The following STRBP variants were observed in gnomAD, a reference collection of about 807,000 sequenced individuals.
The protein encoded by STRBP is spermatid perinuclear RNA binding protein, also known as spermatid perinuclear RNA-binding protein.
In STRBP, 13 loss-of-function variants were observed where a neutral mutation model predicts 80.1. The ratio of observed to expected loss-of-function variants is 0.16; its 90% confidence interval spans 0.11 to 0.26. STRBP has a LOEUF of 0.26. Ranked by LOEUF, STRBP falls within the 10% of genes least tolerant of loss-of-function variation. The pLI, the probability that STRBP is intolerant of heterozygous loss-of-function variation, is 1.00. For missense variants in STRBP, 485 were observed against 815.2 expected (o/e 0.59, Z 4.93); for synonymous variants, 284 against 291.2 (o/e 0.98, Z 0.25).
chr9:123,238,874 C>A (rs1357753679), intron 1 of STRBP, among the ~76,000 whole-genome samples: 1 of 152,082 alleles, frequency 6.6e-6, no homozygotes, highest in African/African-American at 2.4e-5. Flanking sequence ...CACCCCCCCA[C>A]AATAAATTCC....
At chr9:123,167,627 C>A (rs991211430) in intron 6 of STRBP, among the ~76,000 whole-genome samples, 15 of 150,990 alleles carry the variant, frequency 9.9e-5, no homozygotes, top group Admixed American at 6.6e-4. Context: ...AGGACAACAG[C>A]AAAGCAAATC....
intron 1 of STRBP, among the ~76,000 whole-genome samples, chr9:123,247,056 T>A (rs554589737): frequency 6.6e-6 from 1 of 151,808 alleles, no homozygotes; most frequent in Admixed American, 6.6e-5. Flanking sequence ...AACAATAATT[T>A]AAAAAAAAGT....
chr9:123,183,328 C>T (rs1359262461), intron 3 of STRBP, among the ~76,000 whole-genome samples: 2 of 151,782 alleles, frequency 1.3e-5, no homozygotes, highest in East Asian at 1.9e-4. Flanking sequence ...CCCAGCTACT[C>T]GGGAGGCTAA....
intron 11 of STRBP, among the ~76,000 whole-genome samples, chr9:123,148,946 G>C (rs1008064009): frequency 5.9e-5 from 9 of 152,172 alleles, no homozygotes; most frequent in Admixed American, 3.9e-4. Flanking sequence ...GGATAAAGAA[G>C]CCACCAATTT....
intron 1 of STRBP, among the ~76,000 whole-genome samples, chr9:123,260,983 C>G (rs956766881): frequency 6.6e-6 from 1 of 152,198 alleles, no homozygotes; most frequent in African/African-American, 2.4e-5. Context: ...TTCTTATCTT[C>G]TTTAATCTTC....
At chr9:123,132,613 C>T (rs894990878) in intron 17 of STRBP, among the ~76,000 whole-genome samples, 32 of 152,186 alleles carry the variant, frequency 2.1e-4, no homozygotes, top group African/African-American at 7.5e-4. Flanking sequence ...GTCCCACAAC[C>T]AAATGCAATT....
chr9:123,141,933 A>G (rs1482577843), intron 13 of STRBP, among the ~76,000 whole-genome samples: 1 of 151,914 alleles, frequency 6.6e-6, no homozygotes, highest in Admixed American at 6.6e-5. Context: ...TCTTAACCAA[A>G]CTCTAGACAG....
chr9:123,246,084 T>C (rs12238836), intron 1 of STRBP, among the ~76,000 whole-genome samples: 1 of 152,272 alleles, frequency 6.6e-6, no homozygotes, highest in East Asian at 1.9e-4. Context: ...TTCCAAAATC[T>C]CTCAAGCCAA....
At chr9:123,180,479 A>G (rs2038411430) in intron 3 of STRBP, among the ~76,000 whole-genome samples, 1 of 152,242 alleles carries the variant, frequency 6.6e-6, no homozygotes, top group Non-Finnish European at 1.5e-5. Context: ...CTAATTTACA[A>G]ATATATTCTC....
chr9:123,163,501 G>A (rs920010578), intron 6 of STRBP, among the ~76,000 whole-genome samples: 40 of 152,266 alleles, frequency 2.6e-4, no homozygotes, highest in African/African-American at 6.0e-4. Context: ...CAGAATGACC[G>A]TGTTTCTTCA....
At chr9:123,194,761 A>G (rs2039037664) in intron 2 of STRBP, among the ~76,000 whole-genome samples, 1 of 151,828 alleles carries the variant, frequency 6.6e-6, no homozygotes, top group Admixed American at 6.6e-5. Context: ...CTTCTCAGCA[A>G]CAGTTGACAC....
chr9:123,171,942 G>A (rs2038028319), intron 5 of STRBP, among the ~76,000 whole-genome samples: 1 of 152,126 alleles, frequency 6.6e-6, no homozygotes, highest in African/African-American at 2.4e-5. Flanking sequence ...TTTTTAAACT[G>A]CGATGCTCAT....
At chr9:123,200,807 T>C (rs1420022936) in intron 2 of STRBP, among the ~76,000 whole-genome samples, 1 of 136,652 alleles carries the variant, frequency 7.3e-6, no homozygotes, top group Non-Finnish European at 1.5e-5. Context: ...GGTCTCGATG[T>C]CCTGACCTCA....
chr9:123,193,837 C>A (rs1442588430), intron 2 of STRBP, among the ~76,000 whole-genome samples: 1 of 152,154 alleles, frequency 6.6e-6, no homozygotes, highest in African/African-American at 2.4e-5. Flanking sequence ...AAATCCAAGC[C>A]TCTTGGCCAC....
At chr9:123,109,819 T>C (rs2035534928) in intron 3 of STRBP, 1 of 152,216 alleles carries the variant, frequency 6.6e-6, no homozygotes, top group African/African-American at 2.4e-5. Flanking sequence ...CAGTCCATGG[T>C]GGTCACGGTT....
Position 123,184,157 on chromosome 9 carries a change from T to C in STRBP, c.-23A>G, listed in dbSNP as rs1477979323. The C allele has an allele frequency of 6.2e-7, 1 of 1,609,202 alleles. No individual in the cohort carries two copies. The highest frequency in any genetic ancestry group is 1.7e-5 in the Admixed American group (1 of 59,598). On this transcript the variant is annotated 5_prime_UTR_variant, in exon 3 of 19. Transcript: ENST00000348403. ...CATGGTTTTCTATAGTATTTTAGCT[T>C]CTTTTTCCGATCCTTTCCCCTCTTT...
At chr9:123,191,195 C>T (rs1267427858) in intron 2 of STRBP, among the ~76,000 whole-genome samples, 1 of 152,122 alleles carries the variant, frequency 6.6e-6, no homozygotes, top group South Asian at 2.1e-4. Flanking sequence ...ACAGATAATA[C>T]ATGGAGAGGG....
Position 123,141,252 on chromosome 9 carries a change from C to A in STRBP, c.1339-1565G>T, listed in dbSNP as rs369648186. Among the ~76,000 whole-genome samples, 5 of 152,096 alleles carry A rather than the reference C, an allele frequency of 3.3e-5. No homozygotes were observed. In the East Asian group the frequency reaches 9.6e-4, roughly 29 times the overall value. ...AAATCGACCTACATAGAAGTCTGTA[C>A]CAAGAGAACTCGAAATTAATTCACA... On this transcript the variant is annotated intron_variant, in intron 13 of 18. Coordinates refer to ENST00000348403, the MANE Select transcript of STRBP (RefSeq NM_018387.5).
chr9:123,157,897 A>C (rs2037357712), intron 11 of STRBP, 115 bp downstream of exon 11: 2 of 798,356 alleles, frequency 2.5e-6, no homozygotes, highest in Non-Finnish European at 2.1e-6. Flanking sequence ...AAAGCTTTTT[A>C]TATATGATTT....
Sources: gnomAD v4.1 joint callset for allele counts (sites outside exome capture counted in the v4.1 genomes callset) on GRCh38, gnomAD v4.1.1 for gene constraint, MANE v1.5 for transcripts, NCBI Gene and HGNC (gene_info 2026-07-23, HGNC 2026-07-21) for gene names.